The following AATF variants were observed in gnomAD, a reference collection of about 807,000 sequenced individuals.
AATF encodes protein AATF.
In AATF, 48 loss-of-function variants were observed where a neutral mutation model predicts 63.7. The ratio of observed to expected loss-of-function variants is 0.75; its 90% confidence interval spans 0.60 to 0.96. The LOEUF (loss-of-function observed/expected upper bound fraction) is 0.96, where lower values mean the gene tolerates loss of function less well. Ranked by LOEUF, AATF falls within the 40% of genes least tolerant of loss-of-function variation. The pLI, the probability that AATF is intolerant of heterozygous loss-of-function variation, is 0.00. For missense variants in AATF, 639 were observed against 685.7 expected, an observed-to-expected ratio of 0.93 and a Z score of 0.76; for synonymous variants, 258 against 247.7, an observed-to-expected ratio of 1.04 and a Z score of -0.39.
At chr17:36,975,208 G>A (rs541800270) in intron 4 of AATF, among the ~76,000 whole-genome samples, 61 of 152,054 alleles carry the variant, frequency 4.0e-4, no homozygotes, top group African/African-American at 1.4e-3. Flanking sequence ...ATGAAATTAT[G>A]CTTTACATCT....
chr17:37,054,540 C>T (rs1042627528), intron 11 of AATF: 3 of 152,208 alleles, frequency 2.0e-5, no homozygotes, highest in Non-Finnish European at 4.4e-5. Context: ...TGAACAGCTG[C>T]ATATGTTTGT....
intron 11 of AATF, among the ~76,000 whole-genome samples, chr17:37,049,865 G>A (rs901228197): frequency 6.6e-6 from 1 of 152,136 alleles, no homozygotes; most frequent in Non-Finnish European, 1.5e-5. Context: ...GAGAGTGGAG[G>A]CCTTGGGAAG....
chr17:36,984,923 A>G (rs1470471594), intron 4 of AATF, among the ~76,000 whole-genome samples: 1 of 138,872 alleles, frequency 7.2e-6, no homozygotes, highest in Non-Finnish European at 1.5e-5. Flanking sequence ...TTTTTTTGAG[A>G]CAGAGTCTCA....
At position 36,949,117 on chromosome 17, in the gene AATF, C is replaced by G; in HGVS notation, c.-9C>G. 6.4e-7 allele frequency: 1 copy of G among 1,571,750 alleles called. No individual in the cohort carries two copies. Among genetic ancestry groups the G allele is most frequent in the Non-Finnish European group, 8.6e-7 (1 of 1,159,096 alleles). ...TGCGCGAAGCGGAGTGGACCGGGAGCTGGTGACGATGGCGGGGCCGCAGCC... is the reference window on the plus strand; with the variant it reads ...TGCGCGAAGCGGAGTGGACCGGGAGGTGGTGACGATGGCGGGGCCGCAGCC... On this transcript the variant is annotated 5_prime_UTR_variant, in exon 1 of 12. Transcript: ENST00000619387.
chr17:36,971,359 C>T (rs9903039), intron 4 of AATF, among the ~76,000 whole-genome samples: 16,162 of 152,112 alleles, frequency 0.11, 2,711 homozygotes, highest in African/African-American at 0.35. Flanking sequence ...CAAATTAAAA[C>T]CACAAGGAGA....
intron 10 of AATF, among the ~76,000 whole-genome samples, chr17:37,025,878 A>T (rs2071507050): frequency 6.6e-6 from 1 of 152,170 alleles, no homozygotes; most frequent in Non-Finnish European, 1.5e-5. Flanking sequence ...TTTGAGGAGA[A>T]ACTGTATTTA....
At chr17:36,998,700 C>T (rs2071272613) in intron 8 of AATF, 1 of 152,096 alleles carries the variant, frequency 6.6e-6, no homozygotes, top group African/African-American at 2.4e-5. Flanking sequence ...CCAGCCTGGA[C>T]AATATAGTGA....
chr17:37,005,049 A>C (rs949607240), intron 8 of AATF, among the ~76,000 whole-genome samples: 1 of 152,238 alleles, frequency 6.6e-6, no homozygotes, highest in Non-Finnish European at 1.5e-5. Flanking sequence ...ACCTGATCTG[A>C]ATGAACATGA....
rs1181976281 is a variant in AATF, at chr17:37,030,320, A to G, written c.1548-1294A>G. Among the ~76,000 whole-genome samples the G allele has an allele frequency of 5.9e-5, 9 of 152,342 alleles. No individual in the cohort carries two copies. The East Asian group carries it at 1.7e-3, about 29-fold the overall frequency. On this transcript the variant is annotated intron_variant, in intron 10 of 11. Coordinates refer to ENST00000619387, the MANE Select transcript of AATF (RefSeq NM_012138.4). ...GGCTGAGCTGTGGGTGATATAATAA[A>G]TAATTAAATTATTTGATATGTGTAA...
intron 11 of AATF, among the ~76,000 whole-genome samples, chr17:37,039,610 T>C (rs933753886): frequency 1.3e-5 from 2 of 152,162 alleles, no homozygotes; most frequent in African/African-American, 4.8e-5. Flanking sequence ...CCCCCAGCAG[T>C]GCTGAGGGGA....
chr17:37,038,732 T>A (rs1360267687), intron 11 of AATF, among the ~76,000 whole-genome samples: 1 of 152,130 alleles, frequency 6.6e-6, no homozygotes, highest in African/African-American at 2.4e-5. Context: ...CAATTTTAGC[T>A]CCCTGTTCTC....
At chr17:36,988,924 T>C (rs549907645) in intron 6 of AATF, among the ~76,000 whole-genome samples, 2 of 152,332 alleles carry the variant, frequency 1.3e-5, no homozygotes, top group South Asian at 4.1e-4. Flanking sequence ...TTAGAAAGAA[T>C]GTTTTATTCT....
At chr17:37,047,528 G>A (rs543181113) in intron 11 of AATF, among the ~76,000 whole-genome samples, 1 of 152,108 alleles carries the variant, frequency 6.6e-6, no homozygotes, top group East Asian at 1.9e-4. Context: ...CAGCCTCTCA[G>A]TTCCTTTGTT....
At chr17:37,052,364 TG>T (rs1264853017) in intron 11 of AATF, 4 of 152,268 alleles carry the variant, frequency 2.6e-5, no homozygotes, top group Non-Finnish European at 4.4e-5. Context: ...GTTTATGCAG[TG>T]GAAGGCGGTC....
intron 11 of AATF, among the ~76,000 whole-genome samples, chr17:37,053,338 G>A (rs1348462465): frequency 6.6e-6 from 1 of 151,630 alleles, no homozygotes; most frequent in African/African-American, 2.4e-5. Flanking sequence ...TAATCCAGAG[G>A]AACATTTTTA....
intron 4 of AATF, among the ~76,000 whole-genome samples, chr17:36,972,071 A>AGGG (rs1034895083): frequency 4.6e-5 from 7 of 151,864 alleles, no homozygotes; most frequent in African/African-American, 1.7e-4. Flanking sequence ...GGATTGAGGG[A>AGGG]GGGGGTATAT....
intron 1 of AATF, 95 bp from the exon 2 acceptor site, chr17:36,950,119 G>A: frequency 7.3e-7 from 1 of 1,361,908 alleles, no homozygotes; most frequent in Non-Finnish European, 1.0e-6. Flanking sequence ...TTTCGTAAAG[G>A]ACGTTCAACT....
At chr17:36,988,321 A>AT (rs2071184963) in intron 5 of AATF, among the ~76,000 whole-genome samples, 198 bp from the exon 6 acceptor site, 1 of 152,204 alleles carries the variant, frequency 6.6e-6, no homozygotes, top group Non-Finnish European at 1.5e-5. Flanking sequence ...CTCAAAAAAA[A>AT]AAGTTACACG....
intron 8 of AATF, among the ~76,000 whole-genome samples, chr17:37,012,982 A>C (rs888587023): frequency 2.0e-5 from 3 of 152,244 alleles, no homozygotes; most frequent in African/African-American, 7.2e-5. Flanking sequence ...ACAAATGACA[A>C]AAGAAAAAAT....
Sources: allele counts gnomAD v4.1 joint callset (sites outside exome capture counted in the v4.1 genomes callset), GRCh38; gene constraint gnomAD v4.1.1; transcripts MANE v1.5; gene names NCBI Gene and HGNC (gene_info 2026-07-23, HGNC 2026-07-21).